KLF12: variants seen among roughly 807,000 people sequenced by gnomAD.
KLF12 encodes KLF transcription factor 12.
KLF12 carries 9 observed loss-of-function variants against 37.8 expected under a neutral mutation model. That is an observed-to-expected ratio of 0.24 (90% CI 0.14 to 0.42). The LOEUF is 0.42. Ranked by LOEUF, KLF12 falls within the 10% of genes least tolerant of loss-of-function variation. KLF12 has a pLI of 1.00. For synonymous variants in KLF12, 208 were observed against 202.1 expected (o/e 1.03, Z -0.25); for missense variants, 411 against 516.0 (o/e 0.80, Z 1.97).
At chr13:74,035,723 C>G (rs1379590175) in intron 1 of KLF12, among the ~76,000 whole-genome samples, 1 of 152,140 alleles carries the variant, frequency 6.6e-6, no homozygotes, top group African/African-American at 2.4e-5. Flanking sequence ...AAATGATCTG[C>G]TGTCATTTCA....
At chr13:73,883,574 A>G (rs1887081896) in intron 3 of KLF12, among the ~76,000 whole-genome samples, 1 of 152,212 alleles carries the variant, frequency 6.6e-6, no homozygotes, top group Non-Finnish European at 1.5e-5. Flanking sequence ...AGCAGTTAAC[A>G]TGGTAGTTAA....
intron 1 of KLF12, among the ~76,000 whole-genome samples, chr13:74,087,958 C>T (rs1305272405): frequency 3.9e-5 from 6 of 152,080 alleles, no homozygotes; most frequent in Admixed American, 3.3e-4. Flanking sequence ...AAAGAGAACA[C>T]TGATGAGGGG....
intron 1 of KLF12, among the ~76,000 whole-genome samples, chr13:74,116,726 G>T (rs1264700681): frequency 6.6e-6 from 1 of 152,064 alleles, no homozygotes; most frequent in Non-Finnish European, 1.5e-5. Flanking sequence ...CTATAATTAG[G>T]CCTGAAATAA....
the KLF12 span, among the ~76,000 whole-genome samples, chr13:74,245,293 TTATC>T: frequency 0.31 from 46,149 of 148,810 alleles, 7,154 homozygotes; most frequent in Middle Eastern, 0.38. Context: ...GGAGATAAGT[TTATC>T]TATCTATCTA....
intron 2 of KLF12, among the ~76,000 whole-genome samples, chr13:73,979,078 A>G (rs957109433): frequency 1.3e-5 from 2 of 152,244 alleles, no homozygotes; most frequent in South Asian, 2.1e-4. Flanking sequence ...GTATGAAACT[A>G]TATCAGAGGA....
At chr13:73,915,693 T>A (rs1341974044) in intron 3 of KLF12, among the ~76,000 whole-genome samples, 1 of 143,800 alleles carries the variant, frequency 7.0e-6, no homozygotes, top group East Asian at 2.0e-4. Flanking sequence ...TTTTGTATTT[T>A]TTTTTTTTTT....
At chr13:74,124,480 G>A (rs1313507171) in intron 1 of KLF12, among the ~76,000 whole-genome samples, 1 of 151,692 alleles carries the variant, frequency 6.6e-6, no homozygotes, top group Admixed American at 6.6e-5. Context: ...AGATTTTTTT[G>A]TCAAAGTTAA....
chr13:74,120,045 G>GCAATATCT (rs1877534663), intron 1 of KLF12, among the ~76,000 whole-genome samples: 1 of 151,828 alleles, frequency 6.6e-6, no homozygotes, highest in Non-Finnish European at 1.5e-5. Context: ...GGATACTGGA[G>GCAATATCT]CAATATCTTT....
At chr13:74,191,149 C>G in the KLF12 span, among the ~76,000 whole-genome samples, 1 of 152,208 alleles carries the variant, frequency 6.6e-6, no homozygotes. Flanking sequence ...TGAACTCTCT[C>G]TCTAATGAAT....
intron 2 of KLF12, among the ~76,000 whole-genome samples, chr13:73,971,705 C>A (rs114320236): frequency 1.6e-4 from 24 of 152,252 alleles, no homozygotes; most frequent in Middle Eastern, 3.4e-3. Flanking sequence ...GAAAATACTA[C>A]ATTCACAATG....
chr13:73,831,496 CTGA>C lies in KLF12; in HGVS notation c.670+14328_670+14330del, dbSNP rs567271746. Among the ~76,000 whole-genome samples the C allele has an allele frequency of 7.2e-5, 11 of 152,106 alleles. No individual in the cohort carries two copies. The East Asian group carries it at 1.7e-3, about 24-fold the overall frequency. ...TACTTTGCTACCTTTTTCAAATGGACTGATGATAATTTAACCTTTCTTTCATTA... is the reference window on the plus strand; with the variant it reads ...TACTTTGCTACCTTTTTCAAATGGACTGATAATTTAACCTTTCTTTCATTA... On this transcript the variant is annotated intron_variant, in intron 4 of 7. Coordinates refer to ENST00000377669, the MANE Select transcript of KLF12 (RefSeq NM_007249.5).
chr13:74,203,347 T>C, the KLF12 span, among the ~76,000 whole-genome samples: 2 of 152,084 alleles, frequency 1.3e-5, no homozygotes. Context: ...AAGAAGATGA[T>C]GGCAAATTGA....
chr13:73,806,353 G>A (rs753994247), intron 5 of KLF12, among the ~76,000 whole-genome samples: 4 of 151,906 alleles, frequency 2.6e-5, no homozygotes, highest in Non-Finnish European at 5.9e-5. Flanking sequence ...CACCCGCCTC[G>A]GCCTCCCAAA....
At chr13:74,196,456 T>C in the KLF12 span, among the ~76,000 whole-genome samples, 1 of 152,178 alleles carries the variant, frequency 6.6e-6, no homozygotes, top group Non-Finnish European at 1.5e-5. Context: ...AAGAAAGAGA[T>C]AAGAGCAAGT....
chr13:73,929,268 G>A (rs181459048), intron 3 of KLF12, among the ~76,000 whole-genome samples: 1 of 152,286 alleles, frequency 6.6e-6, no homozygotes, highest in East Asian at 1.9e-4. Context: ...AGAGGAGGGT[G>A]CTTCAGGTTG....
At chr13:74,164,478 T>C in the KLF12 span, among the ~76,000 whole-genome samples, 3 of 152,240 alleles carry the variant, frequency 2.0e-5, no homozygotes, top group Non-Finnish European at 4.4e-5. Context: ...ATGCTTAATG[T>C]AACTGGATTT....
intron 6 of KLF12, among the ~76,000 whole-genome samples, chr13:73,721,959 G>A (rs1009019217): frequency 2.0e-5 from 3 of 152,052 alleles, no homozygotes; most frequent in Non-Finnish European, 4.4e-5. Flanking sequence ...GACCATTAAT[G>A]CCACAAAATT....
At chr13:73,822,051 A>G (rs1291797566) in intron 4 of KLF12, among the ~76,000 whole-genome samples, 2 of 152,240 alleles carry the variant, frequency 1.3e-5, no homozygotes, top group African/African-American at 2.4e-5. Flanking sequence ...TCCCTTGTAC[A>G]CAGTAAAATG....
At chr13:73,716,881 C>T (rs1440246874) in intron 6 of KLF12, among the ~76,000 whole-genome samples, 2 of 152,026 alleles carry the variant, frequency 1.3e-5, no homozygotes, top group Non-Finnish European at 2.9e-5. Context: ...TAACCATCTC[C>T]AAAATCAGAA....
Sources: gnomAD v4.1 joint callset for allele counts (sites outside exome capture counted in the v4.1 genomes callset) on GRCh38, gnomAD v4.1.1 for gene constraint, MANE v1.5 for transcripts, NCBI Gene and HGNC (gene_info 2026-07-23, HGNC 2026-07-21) for gene names.